NT5M: variants seen among roughly 807,000 people sequenced by gnomAD.
The protein encoded by NT5M is 5'(3')-deoxyribonucleotidase, mitochondrial.
A neutral mutation model predicts 22.2 loss-of-function variants in NT5M; 22 were observed. That is an observed-to-expected ratio of 0.99 (90% CI 0.71 to 1.41). The LOEUF (loss-of-function observed/expected upper bound fraction) is 1.41. NT5M is among the 40% of genes most tolerant of loss of function. NT5M has a pLI of 0.00. For missense variants in NT5M, 322 were observed against 314.8 expected (o/e 1.02, Z -0.17); for synonymous variants, 167 against 133.0 (o/e 1.26, Z -1.76).
At chr17:17,312,682 G>A (rs1422655281) in intron 2 of NT5M, among the ~76,000 whole-genome samples, 1 of 151,792 alleles carries the variant, frequency 6.6e-6, no homozygotes, top group African/African-American at 2.4e-5. Context: ...GCCTGGGTGG[G>A]GTTTGGTAGC....
chr17:17,316,151 G>A (rs913084356), intron 2 of NT5M, among the ~76,000 whole-genome samples: 2 of 150,344 alleles, frequency 1.3e-5, no homozygotes, highest in African/African-American at 2.5e-5. Context: ...TGTATCTCCC[G>A]GGTAAAAGCA....
At chr17:17,311,499 T>C (rs937991427) in intron 2 of NT5M, among the ~76,000 whole-genome samples, 1 of 152,178 alleles carries the variant, frequency 6.6e-6, no homozygotes, top group African/African-American at 2.4e-5. Context: ...ACTACTTTTT[T>C]CCCACTGTAT....
At position 17,323,204 on chromosome 17, in the gene NT5M, A is replaced by G. The variant is rs747464883; in HGVS notation, c.388A>G (p.Thr130Ala). 1 of 1,614,140 alleles carries G rather than the reference A, an allele frequency of 6.2e-7. No homozygotes were observed. The highest frequency in any genetic ancestry group is 8.5e-7 in the Non-Finnish European group (1 of 1,179,964). Residue 130 changes from threonine (T) to alanine (A), a missense_variant, in exon 3 of 5, where the codon ACA becomes GCA. Physicochemically the swap from Thr to Ala is moderately conservative, Grantham distance 58 (BLOSUM62 0). Coordinates refer to ENST00000389022, the MANE Select transcript of NT5M (RefSeq NM_020201.4). ...TGACAGCACTGACGTCTTCATCTGC[A>G]CAAGCCCCATCAAGATGTTCAAGTA... Reference protein sequence around the residue: ...SLQNTDVFICTSPIKMFKYCP... With the variant: ...SLQNTDVFICASPIKMFKYCP...
intron 2 of NT5M, among the ~76,000 whole-genome samples, chr17:17,310,516 A>T (rs1191896779): frequency 6.6e-6 from 1 of 152,198 alleles, no homozygotes; most frequent in Non-Finnish European, 1.5e-5. Context: ...CTTTAAAGAA[A>T]ATTTAGAATG....
At chr17:17,335,614 AT>A (rs763107230) in intron 3 of NT5M, among the ~76,000 whole-genome samples, 3 of 150,884 alleles carry the variant, frequency 2.0e-5, no homozygotes, top group Non-Finnish European at 4.4e-5. Flanking sequence ...ATCCAATTAT[AT>A]TCTTAGTTGT....
intron 4 of NT5M, among the ~76,000 whole-genome samples, chr17:17,345,650 A>C (rs1442826583): frequency 9.3e-5 from 14 of 150,062 alleles, no homozygotes; most frequent in South Asian, 4.4e-4. Flanking sequence ...AAAAAAAAAA[A>C]ACACAAAAAA....
chr17:17,344,976 A>C (rs761498439), intron 4 of NT5M, 68 bp downstream of exon 4: 1 of 1,602,060 alleles, frequency 6.2e-7, no homozygotes, highest in South Asian at 1.1e-5. Flanking sequence ...TCTCCTGGGC[A>C]GTGAGCACTC....
At chr17:17,345,350 A>C in intron 4 of NT5M, 2 of 830,326 alleles carry the variant, frequency 2.4e-6, no homozygotes, top group Non-Finnish European at 2.9e-6. Context: ...CCAAAACCAA[A>C]CAAGCCAGTC....
intron 2 of NT5M, among the ~76,000 whole-genome samples, chr17:17,322,152 C>T (rs1285883145): frequency 4.6e-5 from 7 of 152,064 alleles, no homozygotes; most frequent in East Asian, 3.9e-4. Flanking sequence ...GGCGAGCCAG[C>T]GAGTGAGGTG....
chr17:17,320,320 A>G (rs1261171910), intron 2 of NT5M, among the ~76,000 whole-genome samples: 2 of 152,014 alleles, frequency 1.3e-5, no homozygotes, highest in African/African-American at 2.4e-5. Context: ...GAGTCAGTGG[A>G]GGTGGTTGCA....
chr17:17,306,923 C>T (rs1389312978), intron 2 of NT5M, among the ~76,000 whole-genome samples: 2 of 152,196 alleles, frequency 1.3e-5, no homozygotes, highest in East Asian at 1.9e-4. Flanking sequence ...AATGCCCGGA[C>T]GTGGTGGCTC....
Position 17,306,668 on chromosome 17 carries a change from A to T in NT5M, c.368+25A>T, listed in dbSNP as rs750215227. ...AGTAAGTTTGTCCTCCCAGCCACTC[A>T]GTAAGTTTGTCTGAGCAGCCACTGA... On this transcript the variant is annotated intron_variant, in intron 2 of 4. Transcript: ENST00000389022. 5 of 1,540,120 alleles carry T rather than the reference A, an allele frequency of 3.2e-6. 1 individual carries two copies.
At chr17:17,306,487 G>A in intron 1 of NT5M, 56 bp from the exon 2 acceptor site, 13 of 1,209,234 alleles carry the variant, frequency 1.1e-5, no homozygotes, top group Non-Finnish European at 1.6e-5. Context: ...TCCCCAAGAT[G>A]AGGGCAGTAA....
At chr17:17,318,785 CAAAAAAAAAAA>C (rs61422345) in intron 2 of NT5M, among the ~76,000 whole-genome samples, 1 of 40,244 alleles carries the variant, frequency 2.5e-5, no homozygotes, top group Admixed American at 4.5e-4. Context: ...AACTCCGTCT[CAAAAAAAAAAA>C]AAAAAAAAAA....
intron 3 of NT5M, among the ~76,000 whole-genome samples, chr17:17,329,645 C>T (rs561012920): frequency 6.6e-6 from 1 of 152,226 alleles, no homozygotes; most frequent in South Asian, 2.1e-4. Context: ...GACATGTCTG[C>T]CTGATTCGAC....
In NT5M at chr17:17,346,850, G is replaced by T. The variant is rs551087061; in HGVS notation, c.590G>T (p.Cys197Phe). The T allele has an allele frequency of 6.2e-7, 1 of 1,608,156 alleles. No homozygotes were observed. The change falls in exon 5 of 5, where the codon TGC becomes TTC. Residue 197 changes from cysteine to phenylalanine, a missense_variant. Physicochemically the swap from Cys to Phe is radical, Grantham distance 205. Coordinates refer to ENST00000389022, the MANE Select transcript of NT5M (RefSeq NM_020201.4). ...TGGGAGCATGTCCTCTTCACCGCCT[G>T]CCACAACCAGCACCTGCAGCTGCAG... Reference protein sequence around the residue: ...PSWEHVLFTACHNQHLQLQPP... With the variant: ...PSWEHVLFTAFHNQHLQLQPP...
At position 17,303,670 on chromosome 17, in the gene NT5M, G is replaced by A; in HGVS notation, c.120G>A (p.Val40=). ...GAGGCCGCGCCCTACGGGTGCTGGT[G>A]GACATGGACGGCGTGCTGGCTGACT... ...LAGGRALRVL[V]DMDGVLADFE... The change falls in exon 1 of 5, where the codon GTG becomes GTA. Residue 40 remains valine, a synonymous_variant. Coordinates refer to ENST00000389022, the MANE Select transcript of NT5M (RefSeq NM_020201.4). 1 of 1,573,036 alleles carries A rather than the reference G, an allele frequency of 6.4e-7. No individual in the cohort carries two copies. Among genetic ancestry groups the A allele is most frequent in the Middle Eastern group, 1.7e-4 (1 of 5,774 alleles).
At position 17,315,744 on chromosome 17, in the gene NT5M, G is replaced by GTTTTTTTT. The variant is rs1173004367; in HGVS notation, c.369-7434_369-7433insTTTTTTTT. ...AGAGATTGATGTGATCTAACTTAGG[G>GTTTTTTTT]TTTTTTTGTTTTTTTTTTTTTTTTT... On this transcript the variant is annotated intron_variant, in intron 2 of 4. Transcript: ENST00000389022. 1.3e-4 allele frequency among the ~76,000 whole-genome samples: 9 copies of GTTTTTTTT among 67,754 alleles called. 3 individuals are homozygous for GTTTTTTTT. The highest frequency in any genetic ancestry group is 1.9e-4 in the Non-Finnish European group (7 of 37,274). The allele number at this position is 67,754 out of a possible 152,430, so 44.4% of individuals were successfully genotyped here. A position where few individuals can be genotyped will look rare whatever the true frequency, so the allele number is the denominator to read the frequency against.
At chr17:17,345,080 C>A in intron 4 of NT5M, 172 bp downstream of exon 4, 1 of 646,334 alleles carries the variant, frequency 1.5e-6, no homozygotes, top group Non-Finnish European at 1.9e-6. Context: ...TGGGCTGTGG[C>A]CTGGTGCTCC....
Sources: gnomAD v4.1 joint callset for allele counts (sites outside exome capture counted in the v4.1 genomes callset) on GRCh38, gnomAD v4.1.1 for gene constraint, MANE v1.5 for transcripts, NCBI Gene and HGNC (gene_info 2026-07-23, HGNC 2026-07-21) for gene names.